Variants in ARHGAP42 observed in about 807,000 individuals in gnomAD.
ARHGAP42 encodes rho GTPase-activating protein 42.
Under a neutral mutation model 125.0 loss-of-function variants are expected in ARHGAP42, and 63 were observed. The ratio of observed to expected loss-of-function variants is 0.50; its 90% CI spans 0.41 to 0.62. ARHGAP42 has a LOEUF of 0.62. ARHGAP42 is among the 20% of genes least tolerant of loss of function. ARHGAP42 has a pLI of 0.00. For missense variants in ARHGAP42, 766 were observed against 1,024.2 expected (o/e 0.75, Z 3.44); for synonymous variants, 339 against 351.0 (o/e 0.97, Z 0.38).
At chr11:100,942,670 A>G (rs931225569) in intron 9 of ARHGAP42, among the ~76,000 whole-genome samples, 1 of 152,174 alleles carries the variant, frequency 6.6e-6, no homozygotes, top group East Asian at 1.9e-4. Flanking sequence ...GGCATAGATC[A>G]TGGCAGAGGT....
intron 3 of ARHGAP42, among the ~76,000 whole-genome samples, chr11:100,817,925 T>C (rs1937575091): frequency 6.6e-6 from 1 of 152,200 alleles, no homozygotes; most frequent in Admixed American, 6.5e-5. Flanking sequence ...ATGGTAACAG[T>C]CTGTCACAAT....
intron 2 of ARHGAP42, among the ~76,000 whole-genome samples, chr11:100,781,048 G>GT: frequency 6.6e-6 from 1 of 152,146 alleles, no homozygotes; most frequent in East Asian, 1.9e-4. Flanking sequence ...CACTGGCCCT[G>GT]TTTTTTTGGT....
rs1179944597 is a variant in ARHGAP42, at chr11:100,829,433, T to C, written c.313-30121T>C. Among the ~76,000 whole-genome samples the C allele has an allele frequency of 2.0e-5, 3 of 152,122 alleles. No homozygotes were observed. In the East Asian group the frequency reaches 5.8e-4, roughly 29 times the overall value. On this transcript the variant is annotated intron_variant, in intron 3 of 23. Transcript: ENST00000298815. ...AATTCTGCTATCACAGGACCAGTCA[T>C]AGTTACAAACTGGGTTGGAGATGTA...
chr11:100,765,269 G>A lies in ARHGAP42; in HGVS notation c.155-5074G>A, dbSNP rs148173235. 8.9e-3 allele frequency among the ~76,000 whole-genome samples: 1,362 copies of A among 152,288 alleles called. 11 individuals carry two copies. Among genetic ancestry groups the A allele is most frequent in the Middle Eastern group, 0.014 (4 of 294 alleles). The stretch of plus-strand genomic sequence containing the variant: ...TCTTTCAAGTCCCTGTTCTTAGGGA[G>A]TCTTCTAACAACTCTACCCCTACAC... On this transcript the variant is annotated intron_variant, in intron 1 of 23. Coordinates refer to ENST00000298815, the MANE Select transcript of ARHGAP42 (RefSeq NM_152432.4).
intron 4 of ARHGAP42, among the ~76,000 whole-genome samples, chr11:100,879,158 T>C (rs767407851): frequency 3.9e-5 from 6 of 152,164 alleles, no homozygotes; most frequent in Non-Finnish European, 8.8e-5. Context: ...TTCAAGCTTG[T>C]CAAATCAGTA....
intron 6 of ARHGAP42, among the ~76,000 whole-genome samples, chr11:100,922,787 A>G (rs11224513): frequency 0.083 from 12,625 of 152,224 alleles, 763 homozygotes; most frequent in East Asian, 0.32. Flanking sequence ...ATCAGGCCCA[A>G]CCTGGCTTCC....
chr11:100,819,593 T>C (rs1249348163), intron 3 of ARHGAP42, among the ~76,000 whole-genome samples: 1 of 152,188 alleles, frequency 6.6e-6, no homozygotes, highest in African/African-American at 2.4e-5. Context: ...CTGCCTCTCA[T>C]GAACTGTTTG....
At chr11:100,902,473 A>C (rs1414561090) in intron 4 of ARHGAP42, among the ~76,000 whole-genome samples, 22 of 152,214 alleles carry the variant, frequency 1.4e-4, no homozygotes, top group Non-Finnish European at 5.9e-5. Flanking sequence ...AAAGCCCTTG[A>C]AAATGTTTTG....
intron 4 of ARHGAP42, among the ~76,000 whole-genome samples, chr11:100,873,682 A>G (rs964439792): frequency 1.3e-5 from 2 of 152,184 alleles, no homozygotes; most frequent in African/African-American, 4.8e-5. Flanking sequence ...TGACTCACAT[A>G]TATTTACTTA....
chr11:100,730,809 T>C (rs1316119720), intron 1 of ARHGAP42, among the ~76,000 whole-genome samples: 1 of 152,238 alleles, frequency 6.6e-6, no homozygotes, highest in Non-Finnish European at 1.5e-5. Flanking sequence ...CTAGGCTATA[T>C]GATAAAGCCC....
chr11:100,822,075 C>G (rs956895959), intron 3 of ARHGAP42, among the ~76,000 whole-genome samples: 4 of 152,208 alleles, frequency 2.6e-5, no homozygotes, highest in Admixed American at 6.5e-5. Flanking sequence ...GGAATCCTTC[C>G]ATAAGACCTA....
At chr11:100,828,164 TGCC>T (rs150117196) in intron 3 of ARHGAP42, among the ~76,000 whole-genome samples, 1 of 105,310 alleles carries the variant, frequency 9.5e-6, no homozygotes, top group Non-Finnish European at 2.2e-5. Flanking sequence ...TGGTCTCACT[TGCC>T]GCTAAGTGCT....
At chr11:100,975,242 A>G (rs932835235) in intron 19 of ARHGAP42, among the ~76,000 whole-genome samples, 5 of 152,168 alleles carry the variant, frequency 3.3e-5, no homozygotes, top group East Asian at 1.9e-4. Context: ...AACTCAAAGG[A>G]CAACTGCCTG....
intron 4 of ARHGAP42, among the ~76,000 whole-genome samples, chr11:100,894,774 A>G (rs1177586850): frequency 6.6e-6 from 1 of 152,212 alleles, no homozygotes; most frequent in African/African-American, 2.4e-5. Flanking sequence ...GTTGAAATCT[A>G]CAACCCCAAA....
intron 4 of ARHGAP42, among the ~76,000 whole-genome samples, chr11:100,911,123 GT>G (rs1242410104): frequency 1.3e-5 from 2 of 152,290 alleles, no homozygotes; most frequent in Non-Finnish European, 2.9e-5. Flanking sequence ...TCAGTTTTCT[GT>G]ACTATACTGT....
chr11:100,750,698 CAG>C (rs1862427614), intron 1 of ARHGAP42, among the ~76,000 whole-genome samples: 1 of 151,328 alleles, frequency 6.6e-6, no homozygotes, highest in Non-Finnish European at 1.5e-5. Flanking sequence ...CGGAATGAGT[CAG>C]GGTGGAGAAT....
At chr11:100,733,415 C>A (rs970010431) in intron 1 of ARHGAP42, among the ~76,000 whole-genome samples, 2 of 152,180 alleles carry the variant, frequency 1.3e-5, no homozygotes, top group Non-Finnish European at 2.9e-5. Flanking sequence ...GAAAGGTTTG[C>A]AAACACTAAT....
intron 12 of ARHGAP42, among the ~76,000 whole-genome samples, chr11:100,954,148 C>G (rs1857739578): frequency 6.6e-6 from 1 of 152,074 alleles, no homozygotes; most frequent in Non-Finnish European, 1.5e-5. Context: ...AGCCTTGTCC[C>G]CATTCAAATA....
rs926464739 is a variant in ARHGAP42, at chr11:100,936,275, G to A, written c.775G>A (p.Asp259Asn). ...GCAAAGGATGAAATCTGCTAACCAG[G>A]ACTACAGACCACCCAGCCAGTGGAC... ...LMQRMKSANQ[D>N]YRPPSQWTME... The change falls in exon 8 of 24, where the codon GAC becomes AAC. Residue 259 changes from aspartate to asparagine, a missense_variant. Asp to Asn is a conservative substitution (Grantham distance 23, BLOSUM62 1). Coordinates refer to ENST00000298815, the MANE Select transcript of ARHGAP42 (RefSeq NM_152432.4). 1 of 1,551,598 alleles carries A rather than the reference G, an allele frequency of 6.4e-7. No individual in the cohort carries two copies. Among genetic ancestry groups the A allele is most frequent in the Non-Finnish European group, 8.7e-7 (1 of 1,146,922 alleles).
Sources: allele counts gnomAD v4.1 joint callset (sites outside exome capture counted in the v4.1 genomes callset), GRCh38; gene constraint gnomAD v4.1.1; transcripts MANE v1.5; gene names NCBI Gene and HGNC (gene_info 2026-07-23, HGNC 2026-07-21).